The following PDS5A variants were observed in gnomAD, a reference collection of about 807,000 sequenced individuals.
PDS5A encodes sister chromatid cohesion protein PDS5 homolog A.
PDS5A carries 42 observed loss-of-function variants against 167.1 expected under a neutral mutation model. That is an observed-to-expected ratio of 0.25 (90% CI 0.20 to 0.33). PDS5A has a LOEUF of 0.33. Among genes scored for constraint, PDS5A ranks in the 10% least tolerant of loss-of-function variants. The pLI is 1.00. For synonymous variants in PDS5A, 553 were observed against 554.6 expected, an observed-to-expected ratio of 1.00 and a Z score of 0.04; for missense variants, 1,033 against 1,605.9, an observed-to-expected ratio of 0.64 and a Z score of 6.10.
At chr4:39,915,177 TACAGGTGTGCATC>T (rs1179193435) in intron 8 of PDS5A, among the ~76,000 whole-genome samples, 1 of 151,752 alleles carries the variant, frequency 6.6e-6, no homozygotes, top group Non-Finnish European at 1.5e-5. Flanking sequence ...TAGCTGGACA[TACAGGTGTGCATC>T]ACCACACCTG....
At chr4:39,925,478 T>C (rs960184800) in intron 5 of PDS5A, among the ~76,000 whole-genome samples, 1 of 152,216 alleles carries the variant, frequency 6.6e-6, no homozygotes, top group African/African-American at 2.4e-5. Flanking sequence ...CTTCATTGTA[T>C]TAACGTAAGG....
At chr4:39,923,078 C>T (rs1725138943) in intron 5 of PDS5A, among the ~76,000 whole-genome samples, 1 of 151,922 alleles carries the variant, frequency 6.6e-6, no homozygotes, top group African/African-American at 2.4e-5. Context: ...CCTGTAATCC[C>T]AGCACTTTGG....
chr4:39,968,519 G>A (rs1457980161), intron 2 of PDS5A, among the ~76,000 whole-genome samples: 3 of 150,018 alleles, frequency 2.0e-5, no homozygotes, highest in South Asian at 2.1e-4. Context: ...CACAACCTCC[G>A]CCTCCTGGGT....
At chr4:39,947,382 G>A (rs34651027) in intron 2 of PDS5A, among the ~76,000 whole-genome samples, 33,220 of 151,972 alleles carry the variant, frequency 0.22, 4,599 homozygotes, top group Middle Eastern at 0.33. Flanking sequence ...ACCGGGAGGC[G>A]GAGGCTGCAG....
chr4:39,855,206 A>G (rs937436316), intron 26 of PDS5A, among the ~76,000 whole-genome samples: 1 of 152,214 alleles, frequency 6.6e-6, no homozygotes, highest in African/African-American at 2.4e-5. Context: ...ATGAACCTCA[A>G]CAGTGAAGGG....
At chr4:39,911,409 A>T (rs1298297091) in intron 9 of PDS5A, among the ~76,000 whole-genome samples, 1 of 151,496 alleles carries the variant, frequency 6.6e-6, no homozygotes, top group Non-Finnish European at 1.5e-5. Flanking sequence ...AAAAAAAAAA[A>T]AATTTGTGTT....
At chr4:39,941,436 T>A (rs2732063) in intron 2 of PDS5A, among the ~76,000 whole-genome samples, 2 of 152,208 alleles carry the variant, frequency 1.3e-5, no homozygotes, top group African/African-American at 4.8e-5. Flanking sequence ...CATGGACTGC[T>A]GGCTAAGATT....
At chr4:39,969,161 T>C (rs1730267806) in intron 2 of PDS5A, among the ~76,000 whole-genome samples, 1 of 152,218 alleles carries the variant, frequency 6.6e-6, no homozygotes, top group Admixed American at 6.5e-5. Context: ...TATTTGTCAA[T>C]TAATATATAA....
At chr4:39,973,074 T>C in intron 2 of PDS5A, 2 of 553,308 alleles carry the variant, frequency 3.6e-6, no homozygotes, top group Non-Finnish European at 6.5e-6. Context: ...TTTCGATGTT[T>C]AGATATTTTT....
At chr4:39,909,452 G>A (rs1413319875) in intron 10 of PDS5A, among the ~76,000 whole-genome samples, 1 of 152,048 alleles carries the variant, frequency 6.6e-6, no homozygotes, top group African/African-American at 2.4e-5. Context: ...ATTTTCATCA[G>A]TTATCCTGGA....
At chr4:39,903,047 T>C (rs1471963927) in intron 12 of PDS5A, among the ~76,000 whole-genome samples, 2 of 147,638 alleles carry the variant, frequency 1.4e-5, no homozygotes, top group African/African-American at 2.4e-5. Flanking sequence ...CACAGGGTGC[T>C]AGGCTGTTCC....
chr4:39,848,173 C>T (rs1717803665), intron 28 of PDS5A: 1 of 152,194 alleles, frequency 6.6e-6, no homozygotes, highest in Non-Finnish European at 1.5e-5. Flanking sequence ...TTGGGAACCA[C>T]TGCTCTAAGG....
At chr4:39,904,396 T>C (rs7699045) in intron 11 of PDS5A, among the ~76,000 whole-genome samples, 37,196 of 152,130 alleles carry the variant, frequency 0.24, 5,029 homozygotes, top group East Asian at 0.44. Flanking sequence ...TGGAGTGCAG[T>C]GGCAGGATCT....
intron 2 of PDS5A, among the ~76,000 whole-genome samples, chr4:39,942,151 T>G (rs1406429179): frequency 6.6e-6 from 1 of 152,028 alleles, no homozygotes; most frequent in Admixed American, 6.6e-5. Context: ...CATAATCAAT[T>G]TTATAATTTT....
intron 2 of PDS5A, among the ~76,000 whole-genome samples, chr4:39,952,217 G>T (rs112606410): frequency 0.048 from 7,240 of 152,194 alleles, 187 homozygotes; most frequent in Middle Eastern, 0.065. Flanking sequence ...TGTAGTCCCA[G>T]CTACTCAGGA....
chr4:39,844,877 CAAGT>C lies in PDS5A; in HGVS notation c.3403-80_3403-77del, dbSNP rs1406328554. The C allele has an allele frequency of 2.8e-6, 4 of 1,419,652 alleles. No homozygotes were observed. The Admixed American group carries it at 1.1e-4, about 37-fold the overall frequency. The allele number at this position is 1,419,652 out of a possible 1,614,324, so 87.9% of individuals were successfully genotyped here. On this transcript the variant is annotated intron_variant, in intron 29 of 32. Transcript: ENST00000303538. The stretch of plus-strand genomic sequence containing the variant: ...CCATGTATACATGTAAATTTAGACA[CAAGT>C]AAGAGATATTGTTAAGTGCTAATTA...
At chr4:39,854,685 T>C (rs1039389094) in intron 26 of PDS5A, among the ~76,000 whole-genome samples, 3 of 152,246 alleles carry the variant, frequency 2.0e-5, no homozygotes, top group South Asian at 4.1e-4. Context: ...CCTCTTTATC[T>C]TTCTTCATCT....
At chr4:39,948,783 C>G (rs1056590477) in intron 2 of PDS5A, among the ~76,000 whole-genome samples, 11 of 151,758 alleles carry the variant, frequency 7.2e-5, no homozygotes, top group Non-Finnish European at 1.6e-4. Context: ...TGCCACCATG[C>G]CCGGATAATT....
At chr4:39,892,332 T>C (rs937288565) in intron 16 of PDS5A, among the ~76,000 whole-genome samples, 2 of 152,188 alleles carry the variant, frequency 1.3e-5, no homozygotes, top group African/African-American at 4.8e-5. Flanking sequence ...TGTGCTAATA[T>C]ATAGAACCAG....
Sources: allele counts gnomAD v4.1 joint callset (sites outside exome capture counted in the v4.1 genomes callset), GRCh38; gene constraint gnomAD v4.1.1; transcripts MANE v1.5; gene names NCBI Gene and HGNC (gene_info 2026-07-23, HGNC 2026-07-21).